The following DPF3 variants were observed in gnomAD, a reference collection of about 807,000 sequenced individuals.
DPF3 encodes the protein zinc finger protein DPF3.
DPF3 carries 18 observed loss-of-function variants against 56.8 expected under a neutral mutation model. The observed-to-expected ratio is 0.32, with a 90% CI of 0.22 to 0.47. The LOEUF (loss-of-function observed/expected upper bound fraction) is 0.47, where lower values mean the gene tolerates loss of function less well. DPF3 is among the 20% of genes least tolerant of loss of function. DPF3 has a pLI of 1.00. For synonymous variants in DPF3, 188 were observed against 180.2 expected (o/e 1.04, Z -0.35); for missense variants, 403 against 488.8 (o/e 0.82, Z 1.65).
intron 1 of DPF3, among the ~76,000 whole-genome samples, chr14:72,852,404 A>G (rs891072001): frequency 1.3e-5 from 2 of 152,168 alleles, no homozygotes; most frequent in Non-Finnish European, 2.9e-5. Flanking sequence ...TCTGGATGCA[A>G]TTTGCCACAC....
At chr14:72,821,709 A>G (rs1303310276) in intron 1 of DPF3, among the ~76,000 whole-genome samples, 8 of 152,216 alleles carry the variant, frequency 5.3e-5, no homozygotes, top group Admixed American at 1.3e-4. Context: ...ATGTTCATCA[A>G]GAGAGGTGAA....
At chr14:72,854,677 G>A (rs1162408863) in intron 1 of DPF3, among the ~76,000 whole-genome samples, 2 of 152,198 alleles carry the variant, frequency 1.3e-5, no homozygotes, top group Non-Finnish European at 2.9e-5. Flanking sequence ...CGAAAGGAGT[G>A]AAAATATACA....
chr14:72,720,689 A>G (rs1346810408), intron 5 of DPF3, among the ~76,000 whole-genome samples: 1 of 152,238 alleles, frequency 6.6e-6, no homozygotes, highest in Non-Finnish European at 1.5e-5. Context: ...TGGGCCAGGC[A>G]TGAACTCAGA....
intron 1 of DPF3, among the ~76,000 whole-genome samples, chr14:72,891,979 C>G (rs1239508512): frequency 6.6e-6 from 1 of 152,218 alleles, no homozygotes; most frequent in Admixed American, 6.5e-5. Context: ...TCCCTTCCCC[C>G]ACCCTTAACC....
At chr14:72,886,857 G>A (rs1886567057) in intron 1 of DPF3, among the ~76,000 whole-genome samples, 1 of 151,966 alleles carries the variant, frequency 6.6e-6, no homozygotes, top group Admixed American at 6.6e-5. Context: ...TCTAGTCTTG[G>A]CTAATACCCA....
chr14:72,702,850 G>A (rs1888235630), intron 6 of DPF3, among the ~76,000 whole-genome samples: 1 of 152,082 alleles, frequency 6.6e-6, no homozygotes, highest in Non-Finnish European at 1.5e-5. Flanking sequence ...AAAGCCAACG[G>A]TGGATCCAAC....
rs1883951761 is a variant in DPF3 at position 72,614,463 on chromosome 14, C to T, written c.*4834G>A. 6.6e-6 allele frequency among the ~76,000 whole-genome samples: 1 copy of T among 152,168 alleles called. No individual in the cohort carries two copies. Among genetic ancestry groups the T allele is most frequent in the South Asian group, 2.1e-4 (1 of 4,830 alleles). On this transcript the variant is annotated 3_prime_UTR_variant, in exon 11 of 11. Coordinates refer to ENST00000556509, the MANE Select transcript of DPF3 (RefSeq NM_001280542.3). Reference sequence around the variant, plus strand: ...GGAGAGGAGCAGGATGGCCAGTCCCCCTCTTCCCTTCCCAGCTACTGGTGT... The same window carrying T: ...GGAGAGGAGCAGGATGGCCAGTCCCTCTCTTCCCTTCCCAGCTACTGGTGT...
chr14:72,722,084 T>C (rs753454050), intron 5 of DPF3, among the ~76,000 whole-genome samples: 2 of 152,180 alleles, frequency 1.3e-5, no homozygotes, highest in Non-Finnish European at 2.9e-5. Context: ...GTATTATAAC[T>C]ATTATTTTAT....
intron 1 of DPF3, chr14:72,892,108 C>T: frequency 1.3e-6 from 2 of 1,506,748 alleles, no homozygotes; most frequent in Non-Finnish European, 1.8e-6. Flanking sequence ...AGCGGGCTCC[C>T]GGGTAACTAG....
At chr14:72,676,825 C>T (rs771629148) in intron 7 of DPF3, among the ~76,000 whole-genome samples, 1 of 152,154 alleles carries the variant, frequency 6.6e-6, no homozygotes, top group Non-Finnish European at 1.5e-5. Context: ...CACCCAATCT[C>T]GGGTGTTTCT....
At chr14:72,800,642 A>G (rs10143561) in intron 1 of DPF3, among the ~76,000 whole-genome samples, 85,042 of 151,662 alleles carry the variant, frequency 0.56, 27,225 homozygotes, top group East Asian at 0.79. Flanking sequence ...GGATGCACAG[A>G]TGGATGCATG....
At chr14:72,683,639 C>T (rs1291805099) in intron 7 of DPF3, among the ~76,000 whole-genome samples, 1 of 152,142 alleles carries the variant, frequency 6.6e-6, no homozygotes, top group Non-Finnish European at 1.5e-5. Context: ...TGGCTCTGAA[C>T]CCAAGCAACC....
chr14:72,638,390 G>T (rs772488920), intron 8 of DPF3, among the ~76,000 whole-genome samples: 6 of 152,178 alleles, frequency 3.9e-5, no homozygotes, highest in Admixed American at 1.3e-4. Flanking sequence ...CTGGCTAAAG[G>T]CTCTGTGTTT....
rs762525249 is a variant in DPF3 at position 72,612,206 on chromosome 14, G to T, written c.*7091C>A. Among the ~76,000 whole-genome samples, 4 of 152,104 alleles carry T rather than the reference G, an allele frequency of 2.6e-5. No individual in the cohort carries two copies. Among genetic ancestry groups the T allele is most frequent in the Non-Finnish European group, 5.9e-5 (4 of 68,006 alleles). On this transcript the variant is annotated 3_prime_UTR_variant, in exon 11 of 11. Coordinates refer to ENST00000556509, the MANE Select transcript of DPF3 (RefSeq NM_001280542.3). ...TTGGATGGACTCTGTTCCCTTTCCTGGCCAGAGGAGCACAAATGCCCCCTA... is the reference window on the plus strand; with the variant it reads ...TTGGATGGACTCTGTTCCCTTTCCTTGCCAGAGGAGCACAAATGCCCCCTA...
At chr14:72,826,021 G>C (rs1043060835) in intron 1 of DPF3, among the ~76,000 whole-genome samples, 7 of 152,092 alleles carry the variant, frequency 4.6e-5, no homozygotes, top group Non-Finnish European at 8.8e-5. Flanking sequence ...GGAAAGGAAG[G>C]GGGCAGGTTA....
In DPF3 at chr14:72,714,414, C is replaced by G. The variant is rs1888809270; in HGVS notation, c.604+9G>C. 6.2e-7 allele frequency: 1 copy of G among 1,613,628 alleles called. No homozygotes were observed. Among genetic ancestry groups the G allele is most frequent in the African/African-American group, 1.3e-5 (1 of 74,924 alleles). On this transcript the variant is annotated intron_variant, in intron 6 of 10. Coordinates refer to ENST00000556509, the MANE Select transcript of DPF3 (RefSeq NM_001280542.3). ...GGGAGGAAGGAAGGTGGGACCGGCC[C>G]ATACTTACTGTCACAGACGTAAGGT... is the stretch of plus-strand genomic sequence containing the variant.
intron 8 of DPF3, among the ~76,000 whole-genome samples, chr14:72,648,687 C>G (rs1020057872): frequency 2.0e-5 from 3 of 152,120 alleles, no homozygotes; most frequent in African/African-American, 7.2e-5. Flanking sequence ...TGAACGGTCT[C>G]AGCTCCTAAC....
At chr14:72,668,744 C>G (rs902669556) in intron 8 of DPF3, among the ~76,000 whole-genome samples, 42 of 151,660 alleles carry the variant, frequency 2.8e-4, no homozygotes, top group Non-Finnish European at 5.9e-5. Context: ...CTATGAGCAA[C>G]TAGACAGAAT....
intron 1 of DPF3, among the ~76,000 whole-genome samples, chr14:72,815,087 G>T (rs1250257713): frequency 6.6e-6 from 1 of 152,118 alleles, no homozygotes; most frequent in African/African-American, 2.4e-5. Flanking sequence ...ACATATATCT[G>T]ATAAAGGATG....
Sources: gnomAD v4.1 joint callset for allele counts (sites outside exome capture counted in the v4.1 genomes callset) on GRCh38, gnomAD v4.1.1 for gene constraint, MANE v1.5 for transcripts, NCBI Gene and HGNC (gene_info 2026-07-23, HGNC 2026-07-21) for gene names.